Variants in CFAP410 observed in about 807,000 individuals in gnomAD.
The protein encoded by CFAP410 is cilia- and flagella-associated protein 410.
CFAP410 carries 27 observed loss-of-function variants against 25.7 expected under a neutral mutation model. That is an observed-to-expected ratio of 1.05 (90% CI 0.77 to 1.45). The LOEUF is 1.45. Ranked by LOEUF, CFAP410 falls within the 40% of genes most tolerant of loss-of-function variation. The pLI is 0.00. For missense variants in CFAP410, 428 were observed against 354.1 expected (o/e 1.21, Z -1.67); for synonymous variants, 178 against 158.4 (o/e 1.12, Z -0.93).
At chr21:44,337,534 G>T in intron 2 of CFAP410, 115 bp downstream of exon 2, 1 of 848,066 alleles carries the variant, frequency 1.2e-6, no homozygotes, top group African/African-American at 1.7e-5. Context: ...GGACTGAATT[G>T]ATAGGTGCAG....
Position 44,339,228 on chromosome 21 carries a change from C to G in CFAP410, c.-34G>C, listed in dbSNP as rs1602094195. 7.3e-7 allele frequency: 1 copy of G among 1,370,454 alleles called. No individual in the cohort carries two copies. Among genetic ancestry groups the G allele is most frequent in the African/African-American group, 1.5e-5 (1 of 65,394 alleles). The allele number at this position is 1,370,454 out of a possible 1,614,324, so 84.9% of individuals were successfully genotyped here. On this transcript the variant is annotated 5_prime_UTR_variant, in exon 1 of 7. Coordinates refer to ENST00000339818, the MANE Select transcript of CFAP410 (RefSeq NM_004928.3). ...CCCAGGCCCGACCGGCGGGCGCCCC[C>G]GGCCTCCTGATCCCGGGCGGGTGAC...
intron 4 of CFAP410, chr21:44,332,352 A>G (rs2047666282): frequency 8.0e-6 from 2 of 250,644 alleles, no homozygotes; most frequent in Non-Finnish European, 1.5e-5. Context: ...TCATATATCA[A>G]TTTCCCTGAA....
At chr21:44,333,511 C>A (rs879599419) in intron 3 of CFAP410, 1 of 579,792 alleles carries the variant, frequency 1.7e-6, no homozygotes, top group Non-Finnish European at 3.1e-6. Context: ...TGGCCCGACG[C>A]TCCACATCAG....
chr21:44,331,010 A>C, intron 5 of CFAP410, 91 bp from the exon 6 acceptor site: 1 of 1,178,942 alleles, frequency 8.5e-7, no homozygotes, highest in Non-Finnish European at 1.2e-6. Context: ...CATCCAAGCA[A>C]AGGAGGGGCT....
intron 4 of CFAP410, 82 bp from the exon 5 acceptor site, chr21:44,332,096 T>A: frequency 1.6e-6 from 2 of 1,213,334 alleles, no homozygotes; most frequent in African/African-American, 1.5e-5. Context: ...GTCCTCACTG[T>A]GGCTTCAGGC....
At position 44,330,068 on chromosome 21, in the gene CFAP410, G is replaced by A. The variant is rs1359456130; in HGVS notation, c.*130C>T. On this transcript the variant is annotated 3_prime_UTR_variant, in exon 7 of 7. Coordinates refer to ENST00000339818, the MANE Select transcript of CFAP410 (RefSeq NM_004928.3). ...CTAACACCCACTCCTGCCCTCGGCC[G>A]ATGTGGCAAACCGGGGAGGCTTTTG... 2.6e-5 allele frequency: 29 copies of A among 1,098,244 alleles called. 1 individual carries two copies. In the South Asian group the frequency reaches 2.7e-4, roughly 10 times the overall value. 68.0% of individuals were successfully genotyped at this position (1,098,244 alleles called of 1,614,324 possible).
intron 6 of CFAP410, 147 bp downstream of exon 6, chr21:44,330,676 C>T (rs1465301905): frequency 3.2e-6 from 5 of 1,548,358 alleles, no homozygotes; most frequent in Admixed American, 2.0e-5. Flanking sequence ...CGCAGCTCCC[C>T]CTGGGGCACA....
Position 44,333,954 on chromosome 21 carries a change from C to A in CFAP410, c.144-692G>T, listed in dbSNP as rs970119679. 4.6e-5 allele frequency: 17 copies of A among 372,828 alleles called. No homozygotes were observed. In the East Asian group the frequency reaches 5.1e-4, roughly 11 times the overall value. 23.1% of individuals were successfully genotyped at this position (372,828 alleles called of 1,614,324 possible). ...GCGCCTCAGAAGGGCGGTCACCAGG[C>A]CCCCATGGGCAGCCTGCCGTCCTGA... On this transcript the variant is annotated intron_variant, in intron 3 of 6. Coordinates refer to ENST00000339818, the MANE Select transcript of CFAP410 (RefSeq NM_004928.3).
chr21:44,334,063 A>T, intron 3 of CFAP410: 1 of 454,582 alleles, frequency 2.2e-6, no homozygotes, highest in Non-Finnish European at 4.4e-6. Context: ...CATTTTACCA[A>T]GAGCAAAACT....
At chr21:44,330,985 C>T in intron 5 of CFAP410, 66 bp from the exon 6 acceptor site, 1 of 1,384,058 alleles carries the variant, frequency 7.2e-7, no homozygotes, top group Non-Finnish European at 9.8e-7. Context: ...CTCTGCAAAC[C>T]CTGTCTGCGG....
At position 44,329,404 on chromosome 21, in the gene CFAP410, G is replaced by C. The variant is rs1488423279; in HGVS notation, c.*794C>G. 2 of 152,196 alleles carry C rather than the reference G, an allele frequency of 1.3e-5. No homozygotes were observed. The highest frequency in any genetic ancestry group is 2.9e-5 in the Non-Finnish European group (2 of 68,032). 9.4% of individuals were successfully genotyped at this position (152,196 alleles called of 1,614,324 possible). A position where few individuals can be genotyped will look rare whatever the true frequency, so the allele number is the denominator to read the frequency against. Reference sequence around the variant, plus strand: ...CTTCCTTGGTTTTGGGGGGCACTAGGAAGGTCCCCAGGGCCACGGGTCACT... The same window carrying C: ...CTTCCTTGGTTTTGGGGGGCACTAGCAAGGTCCCCAGGGCCACGGGTCACT... On this transcript the variant is annotated 3_prime_UTR_variant, in exon 7 of 7. Coordinates refer to ENST00000339818, the MANE Select transcript of CFAP410 (RefSeq NM_004928.3).
At chr21:44,338,676 G>A (rs2047800345) in intron 1 of CFAP410, 1 of 167,846 alleles carries the variant, frequency 6.0e-6, no homozygotes, top group Non-Finnish European at 1.3e-5. Flanking sequence ...GGGGGGCCCA[G>A]GCGACCCCGA....
intron 6 of CFAP410, 196 bp downstream of exon 6, chr21:44,330,627 C>T (rs764731239): frequency 3.9e-6 from 6 of 1,550,054 alleles, no homozygotes; most frequent in Non-Finnish European, 5.2e-6. Context: ...CCGTGCGGGG[C>T]ACGTGTTACA....
intron 5 of CFAP410, 44 bp from the exon 6 acceptor site, chr21:44,330,963 C>A (rs1188680790): frequency 6.7e-7 from 1 of 1,493,294 alleles, no homozygotes; most frequent in East Asian, 2.4e-5. Flanking sequence ...GGGCTCGTGG[C>A]ACCGGGGGGG....
rs574859845 is a variant in CFAP410, at chr21:44,331,127, G to C, written c.546-208C>G. ...GGAGAGCCCGGCACTTACTTCACCTGTGGGGCGCCCTCCCGGCACCCTGGG... is the reference window on the plus strand; with the variant it reads ...GGAGAGCCCGGCACTTACTTCACCTCTGGGGCGCCCTCCCGGCACCCTGGG... On this transcript the variant is annotated intron_variant, in intron 5 of 6. Transcript: ENST00000339818. The C allele has an allele frequency of 4.7e-5, 28 of 593,978 alleles. No individual in the cohort carries two copies. The South Asian group carries it at 6.0e-4, about 13-fold the overall frequency. 36.8% of individuals were successfully genotyped at this position (593,978 alleles called of 1,614,324 possible).
chr21:44,338,329 A>T (rs759653337), intron 1 of CFAP410: 1 of 1,289,158 alleles, frequency 7.8e-7, no homozygotes, highest in South Asian at 1.2e-5. Context: ...CGGCGCGGTC[A>T]CTCTGCTGAG....
intron 5 of CFAP410, chr21:44,331,521 C>T (rs537644994): frequency 6.4e-4 from 220 of 344,868 alleles, no homozygotes; most frequent in Non-Finnish European, 1.0e-3. Context: ...CCCTAGGCCA[C>T]CCCCCCCACC....
chr21:44,330,903 C>T lies in CFAP410; in HGVS notation c.562G>A (p.Glu188Lys), dbSNP rs1459796059. ...EEEATSGAQDERGLKPPSRGQ... is the reference protein window; with the variant it reads ...EEEATSGAQDKRGLKPPSRGQ... ...CGGGAAGGCGGCTTCAGGCCACGTT[C>T]ATCCTGGGCGCCGCTGCTGAGAGGG... Residue 188 changes from glutamate to lysine, a missense_variant, in exon 6 of 7, where the codon GAA becomes AAA. Physicochemically the swap from Glu to Lys is moderately conservative, Grantham distance 56. Coordinates refer to ENST00000339818, the MANE Select transcript of CFAP410 (RefSeq NM_004928.3). The T allele has an allele frequency of 4.4e-6, 7 of 1,597,712 alleles. No homozygotes were observed. Among genetic ancestry groups the T allele is most frequent in the Non-Finnish European group, 6.0e-6 (7 of 1,169,708 alleles).
chr21:44,335,839 ACAG>A lies in CFAP410; in HGVS notation c.97-38_97-36del, dbSNP rs752657657. The A allele has an allele frequency of 2.6e-6, 4 of 1,534,346 alleles. No individual in the cohort carries two copies. The South Asian group carries it at 4.7e-5, about 18-fold the overall frequency. On this transcript the variant is annotated intron_variant, in intron 2 of 6. Transcript: ENST00000339818. ...AAAGAACATGACTAGCAAGCATGGC[ACAG>A]CAGGGCATCGCGGCCGCACTGCCAT... is the stretch of plus-strand genomic sequence containing the variant.
Sources: allele counts gnomAD v4.1 joint callset, GRCh38; gene constraint gnomAD v4.1.1; transcripts MANE v1.5; gene names NCBI Gene and HGNC (gene_info 2026-07-23, HGNC 2026-07-21).